The following CSMD1 variants were observed in gnomAD, a reference collection of about 807,000 sequenced individuals.
CSMD1 encodes CUB and sushi domain-containing protein 1.
A neutral mutation model predicts 417.5 loss-of-function variants in CSMD1; 213 were observed. The observed-to-expected ratio is 0.51, with a 90% CI of 0.46 to 0.57. The LOEUF is 0.57. CSMD1 is among the 20% of genes least tolerant of loss of function. CSMD1 has a pLI of 0.00. For synonymous variants in CSMD1, 2,862 were observed against 1,736.8 expected, an observed-to-expected ratio of 1.65 and a Z score of -16.11; for missense variants, 6,923 against 4,529.7, an observed-to-expected ratio of 1.53 and a Z score of -15.17.
At chr8:4,298,516 T>C (rs56302000) in intron 3 of CSMD1, among the ~76,000 whole-genome samples, 267 of 152,242 alleles carry the variant, frequency 1.8e-3, no homozygotes, top group Non-Finnish European at 2.9e-3. Context: ...AGCCCTGACT[T>C]GACCTATATA....
intron 2 of CSMD1, among the ~76,000 whole-genome samples, chr8:4,528,220 C>T (rs1796616797): frequency 6.6e-6 from 1 of 152,148 alleles, no homozygotes; most frequent in South Asian, 2.1e-4. Context: ...TCTGTTCCAT[C>T]TTCAGTGATA....
chr8:4,799,628 A>AAAAAAAAC (rs1798170341), intron 1 of CSMD1, among the ~76,000 whole-genome samples: 1 of 136,572 alleles, frequency 7.3e-6, no homozygotes, highest in Non-Finnish European at 1.6e-5. Context: ...AAAAAAAAAA[A>AAAAAAAAC]GTAATCCCTG....
At chr8:3,879,904 C>G (rs1647086652) in intron 5 of CSMD1, among the ~76,000 whole-genome samples, 2 of 151,760 alleles carry the variant, frequency 1.3e-5, no homozygotes, top group Non-Finnish European at 2.9e-5. Context: ...GTTTTTATCC[C>G]CTATAACGAA....
intron 3 of CSMD1, among the ~76,000 whole-genome samples, chr8:4,300,110 G>C (rs895313415): frequency 3.3e-5 from 5 of 152,152 alleles, no homozygotes; most frequent in Non-Finnish European, 5.9e-5. Flanking sequence ...TTGCTAATTA[G>C]GTAACATCAG....
At chr8:3,886,030 CATAT>C (rs745471742) in intron 5 of CSMD1, among the ~76,000 whole-genome samples, 1 of 150,544 alleles carries the variant, frequency 6.6e-6, no homozygotes, top group African/African-American at 2.4e-5. Context: ...TATATACATA[CATAT>C]ATATATATAC....
intron 1 of CSMD1, among the ~76,000 whole-genome samples, chr8:4,660,482 A>C (rs1418790670): frequency 1.3e-5 from 2 of 152,170 alleles, no homozygotes; most frequent in African/African-American, 4.8e-5. Flanking sequence ...CAATTCCATT[A>C]CAAATCCTAA....
chr8:4,331,702 T>C (rs1160764080), intron 3 of CSMD1, among the ~76,000 whole-genome samples: 1 of 152,152 alleles, frequency 6.6e-6, no homozygotes, highest in Non-Finnish European at 1.5e-5. Flanking sequence ...TCAATGTTCC[T>C]TGTTTTCCTA....
rs1804997665 is a variant in CSMD1 at position 3,307,809 on chromosome 8, C to T, written c.3836G>A (p.Gly1279Asp). Residue 1279 changes from glycine (G) to aspartate (D), a missense_variant, in exon 25 of 70, where the codon GGT becomes GAT. Gly to Asp is a moderately conservative substitution (Grantham distance 94). Coordinates refer to ENST00000635120, the MANE Select transcript of CSMD1 (RefSeq NM_033225.6). Reference protein sequence around the residue: ...PLPSCIAECGGQIHAATSGRI... With the variant: ...PLPSCIAECGDQIHAATSGRI... ...TCCTGATGTGGCTGCATGGATCTGA[C>T]CACCACATTCCGCTGTAGAAGACAC... 1 of 1,612,764 alleles carries T rather than the reference C, an allele frequency of 6.2e-7. No individual in the cohort carries two copies. The highest frequency in any genetic ancestry group is 1.1e-5 in the South Asian group (1 of 90,834).
intron 2 of CSMD1, among the ~76,000 whole-genome samples, chr8:4,493,079 T>G (rs1175079671): frequency 2.6e-5 from 4 of 152,168 alleles, no homozygotes. Context: ...ATACATTTGC[T>G]TATAAAAGTA....
intron 7 of CSMD1, among the ~76,000 whole-genome samples, chr8:3,685,439 C>G (rs6988965): frequency 6.6e-6 from 1 of 151,848 alleles, no homozygotes; most frequent in Non-Finnish European, 1.5e-5. Context: ...CGATTACTGC[C>G]AAGGAAGAAG....
intron 3 of CSMD1, among the ~76,000 whole-genome samples, chr8:4,165,228 T>C (rs59748950): frequency 1.3e-5 from 2 of 152,310 alleles, no homozygotes; most frequent in South Asian, 4.1e-4. Context: ...CAGGTGTCAC[T>C]GTTCTTTTCA....
chr8:2,948,474 T>G (rs1802403628), intron 68 of CSMD1, among the ~76,000 whole-genome samples: 1 of 152,164 alleles, frequency 6.6e-6, no homozygotes, highest in Admixed American at 6.6e-5. Flanking sequence ...CTTACCTGTC[T>G]ATGTAGAATA....
intron 3 of CSMD1, among the ~76,000 whole-genome samples, chr8:4,324,894 C>CT (rs1799469982): frequency 6.6e-6 from 1 of 152,170 alleles, no homozygotes; most frequent in African/African-American, 2.4e-5. Context: ...TCAAGGCACT[C>CT]TGAGTCCTGA....
chr8:4,199,144 T>C (rs1176300334), intron 3 of CSMD1, among the ~76,000 whole-genome samples: 1 of 152,174 alleles, frequency 6.6e-6, no homozygotes, highest in Non-Finnish European at 1.5e-5. Flanking sequence ...TGTATGAGAC[T>C]GCAGAACGTA....
At chr8:3,712,104 C>A (rs1801542048) in intron 6 of CSMD1, among the ~76,000 whole-genome samples, 1 of 152,144 alleles carries the variant, frequency 6.6e-6, no homozygotes, top group Non-Finnish European at 1.5e-5. Context: ...TTCAACAAGA[C>A]AGTGTTATAC....
intron 2 of CSMD1, among the ~76,000 whole-genome samples, chr8:4,462,925 A>G (rs1799926174): frequency 6.6e-6 from 1 of 152,242 alleles, no homozygotes; most frequent in African/African-American, 2.4e-5. Context: ...CTTAGATATG[A>G]CATCAAAAGC....
chr8:4,748,165 C>T (rs896234366), intron 1 of CSMD1, among the ~76,000 whole-genome samples: 9 of 152,162 alleles, frequency 5.9e-5, no homozygotes, highest in Admixed American at 5.2e-4. Flanking sequence ...CAACATGTTT[C>T]TACTCCATCA....
intron 2 of CSMD1, among the ~76,000 whole-genome samples, chr8:4,435,924 A>C (rs1375690120): frequency 6.6e-6 from 1 of 152,124 alleles, no homozygotes; most frequent in East Asian, 1.9e-4. Context: ...AAATAATTAG[A>C]ATTTTAACCA....
intron 2 of CSMD1, among the ~76,000 whole-genome samples, chr8:4,450,891 A>G (rs1799103028): frequency 6.6e-6 from 1 of 152,192 alleles, no homozygotes; most frequent in Non-Finnish European, 1.5e-5. Context: ...AGATTGCGCT[A>G]ATATAAAAAT....
Sources: allele counts gnomAD v4.1 joint callset (sites outside exome capture counted in the v4.1 genomes callset), GRCh38; gene constraint gnomAD v4.1.1; transcripts MANE v1.5; gene names NCBI Gene and HGNC (gene_info 2026-07-23, HGNC 2026-07-21).